Variants in LPIN2 observed in about 807,000 individuals in gnomAD.
The protein encoded by LPIN2 is phosphatidate phosphatase LPIN2.
LPIN2 carries 55 observed loss-of-function variants against 111.4 expected under a neutral mutation model. The ratio of observed to expected loss-of-function variants is 0.49; its 90% CI spans 0.40 to 0.62. LPIN2 has a LOEUF of 0.62. LPIN2 is among the 20% of genes least tolerant of loss of function. The pLI is 0.00. For synonymous variants in LPIN2, 425 were observed against 414.0 expected (o/e 1.03, Z -0.32); for missense variants, 992 against 1,112.1 (o/e 0.89, Z 1.54).
intron 4 of LPIN2, chr18:2,946,530 A>G (rs762019155): frequency 3.9e-6 from 6 of 1,554,366 alleles, no homozygotes; most frequent in Non-Finnish European, 5.3e-6. Flanking sequence ...TAGCACAGCA[A>G]GGCCATTTTT....
intron 7 of LPIN2, 95 bp from the exon 8 acceptor site, chr18:2,934,545 G>T: frequency 1.3e-6 from 1 of 797,490 alleles, no homozygotes; most frequent in Non-Finnish European, 2.2e-6. Context: ...AGAGTGACAA[G>T]CAGGATTTGA....
chr18:2,982,440 CG>C, intron 1 of LPIN2, among the ~76,000 whole-genome samples: 1 of 151,938 alleles, frequency 6.6e-6, no homozygotes, highest in South Asian at 2.1e-4. Context: ...TAAATAACAA[CG>C]AATAGAGATA....
chr18:2,926,502 C>T (rs924728532), intron 13 of LPIN2, among the ~76,000 whole-genome samples: 4 of 152,140 alleles, frequency 2.6e-5, no homozygotes, highest in African/African-American at 4.8e-5. Context: ...CATACGCTGG[C>T]GCCACGGCTC....
intron 1 of LPIN2, among the ~76,000 whole-genome samples, chr18:2,998,990 T>A (rs1176323320): frequency 6.6e-6 from 1 of 152,242 alleles, no homozygotes; most frequent in East Asian, 1.9e-4. Flanking sequence ...TCTCCAGTTG[T>A]AATCTAAAAA....
intron 2 of LPIN2, among the ~76,000 whole-genome samples, chr18:2,957,003 A>C (rs2143163085): frequency 6.6e-6 from 1 of 152,358 alleles, no homozygotes; most frequent in East Asian, 1.9e-4. Flanking sequence ...CAACGTGATT[A>C]TTTTAAAAAG....
In LPIN2 at chr18:2,929,778, A is replaced by G. The variant is rs2077187954; in HGVS notation, c.1457-620T>C. 2.0e-5 allele frequency among the ~76,000 whole-genome samples: 3 copies of G among 152,190 alleles called. No individual in the cohort carries two copies. The South Asian group carries it at 6.2e-4, about 32-fold the overall frequency. ...AAAATAAGGCGGGTATGGTGGTGCC[A>G]ACCTGTAATTCCAGCTACTTGGGAG... On this transcript the variant is annotated intron_variant, in intron 9 of 19. Transcript: ENST00000677752.
intron 4 of LPIN2, chr18:2,945,802 T>C: frequency 1.5e-6 from 2 of 1,375,992 alleles, no homozygotes; most frequent in East Asian, 2.3e-5. Flanking sequence ...AGTGAATTTT[T>C]AGCCTATACT....
At chr18:2,952,552 A>T (rs888314262) in intron 3 of LPIN2, among the ~76,000 whole-genome samples, 2 of 152,214 alleles carry the variant, frequency 1.3e-5, no homozygotes, top group African/African-American at 4.8e-5. Context: ...TTTGATAAAC[A>T]TATTACCCTG....
intron 1 of LPIN2, among the ~76,000 whole-genome samples, chr18:2,962,367 T>C (rs544591431): frequency 6.6e-6 from 1 of 152,358 alleles, no homozygotes; most frequent in Non-Finnish European, 1.5e-5. Context: ...ATGACATCCT[T>C]TATGTGATAT....
In LPIN2 at chr18:2,989,384, GA is replaced by G. The variant is rs923693681; in HGVS notation, c.-10+23702del. Reference sequence around the variant, plus strand: ...TACAAATAAAATTGCAAAAATCACTGAAAAAAAAAATTAAAGATAACCTCAG... The same window carrying G: ...TACAAATAAAATTGCAAAAATCACTGAAAAAAAAATTAAAGATAACCTCAG... On this transcript the variant is annotated intron_variant, in intron 1 of 19. Coordinates refer to ENST00000677752, the MANE Select transcript of LPIN2 (RefSeq NM_001375808.2). 6.8e-3 allele frequency among the ~76,000 whole-genome samples: 1,013 copies of G among 149,026 alleles called. 8 individuals carry two copies. Among genetic ancestry groups the G allele is most frequent in the African/African-American group, 0.023 (936 of 40,684 alleles).
chr18:2,982,675 C>T (rs2078129905), intron 1 of LPIN2: 1 of 1,299,022 alleles, frequency 7.7e-7, no homozygotes, highest in Non-Finnish European at 1.0e-6. Flanking sequence ...CACCAAGATA[C>T]CAGGAGGGGA....
chr18:2,950,812 C>G (rs2077523953), intron 4 of LPIN2: 2 of 545,490 alleles, frequency 3.7e-6, no homozygotes, highest in Middle Eastern at 5.0e-4. Flanking sequence ...TATTTGGCTC[C>G]TGGAAACTTC....
At chr18:2,920,524 A>G (rs1598517179) in intron 19 of LPIN2, 87 bp from the exon 20 acceptor site, 1 of 1,465,972 alleles carries the variant, frequency 6.8e-7, no homozygotes, top group Non-Finnish European at 9.5e-7. Flanking sequence ...GCTGTCACTC[A>G]GATTGCTCAG....
chr18:2,971,222 G>A (rs534220241), intron 1 of LPIN2, among the ~76,000 whole-genome samples: 9 of 152,140 alleles, frequency 5.9e-5, no homozygotes, highest in African/African-American at 9.7e-5. Context: ...CTGGTATTTC[G>A]TAAGAGGAGC....
At chr18:3,006,634 G>A (rs918842212) in intron 1 of LPIN2, among the ~76,000 whole-genome samples, 4 of 152,156 alleles carry the variant, frequency 2.6e-5, no homozygotes, top group African/African-American at 4.8e-5. Flanking sequence ...TCAGGAGATC[G>A]AGACCACCCT....
rs1347642214 is a variant in LPIN2, at chr18:2,925,100, T to TTG, written c.1938+122_1938+123dup. 7.8e-7 allele frequency: 1 copy of TTG among 1,287,974 alleles called. No homozygotes were observed. The highest frequency in any genetic ancestry group is 1.1e-6 in the Non-Finnish European group (1 of 907,736). The allele number at this position is 1,287,974 out of a possible 1,614,324, so 79.8% of individuals were successfully genotyped here. A position where few individuals can be genotyped will look rare whatever the true frequency, so the allele number is the denominator to read the frequency against. On this transcript the variant is annotated intron_variant, in intron 14 of 19. Coordinates refer to ENST00000677752, the MANE Select transcript of LPIN2 (RefSeq NM_001375808.2). This position sits in a 1 kb window ranked among gnomAD's most constrained non-coding sequence, Gnocchi z 4.1. ...GTCGTGGTTCCACTGTGGATAGGCA[T>TTG]TGACACGACCATGCCGTGTGGCGTG...
chr18:2,940,650 C>T lies in LPIN2; in HGVS notation c.653G>A (p.Gly218Glu). 6.2e-7 allele frequency: 1 copy of T among 1,613,406 alleles called. No homozygotes were observed. Among genetic ancestry groups the T allele is most frequent in the Non-Finnish European group, 8.5e-7 (1 of 1,179,582 alleles). Residue 218 changes from glycine (G) to glutamate (E), a missense_variant, in exon 5 of 20, where the codon GGG becomes GAG. Around this residue, in one of 4 missense-constraint regions of LPIN2, gnomAD observed 709 missense variants for 753.2 expected, o/e 0.94. Transcript: ENST00000677752. ...ECKEPLLFHS[G>E]DHYPLSDGDW... ...TCCATCAGATAAGGGGTAATGATCC[C>T]CAGAATGGAAGAGCAAAGGCTCTTT...
chr18:2,969,090 C>T (rs895930591), intron 1 of LPIN2, among the ~76,000 whole-genome samples: 7 of 152,194 alleles, frequency 4.6e-5, no homozygotes, highest in African/African-American at 1.7e-4. Flanking sequence ...CTTACTACCA[C>T]ACTGCTTCAA....
intron 1 of LPIN2, among the ~76,000 whole-genome samples, chr18:3,006,068 G>A (rs545176179): frequency 1.4e-4 from 22 of 152,242 alleles, no homozygotes; most frequent in African/African-American, 5.1e-4. Flanking sequence ...TTCTCACCTA[G>A]AAAACAGCAT....
Sources: gnomAD v4.1 joint callset for allele counts (sites outside exome capture counted in the v4.1 genomes callset) on GRCh38, gnomAD v4.1.1 for gene constraint, gnomAD v4.1.1 regional missense constraint, Gnocchi (gnomAD v3.1) non-coding constraint, MANE v1.5 for transcripts, NCBI Gene and HGNC (gene_info 2026-07-23, HGNC 2026-07-21) for gene names.